Variants in KIF2C observed in about 807,000 individuals in gnomAD.
The protein encoded by KIF2C is kinesin family member 2C.
In KIF2C, 34 loss-of-function variants were observed where a neutral mutation model predicts 97.4. That is an observed-to-expected ratio of 0.35 (90% CI 0.27 to 0.46). The LOEUF is 0.46. Ranked by LOEUF, KIF2C falls within the 20% of genes least tolerant of loss-of-function variation. The probability of loss-of-function intolerance (pLI) is 1.00; values close to 1 mark genes in which losing one functional copy is unlikely to be tolerated. For missense variants in KIF2C, 750 were observed against 907.6 expected, an observed-to-expected ratio of 0.83 and a Z score of 2.23; for synonymous variants, 313 against 318.2, an observed-to-expected ratio of 0.98 and a Z score of 0.17.
Position 44,756,182 on chromosome 1 carries a change from G to A in KIF2C, c.922G>A (p.Ala308Thr). ...VDLTKYLENQ[A>T]FCFDFAFDET... ...CTTAACAAAGTATCTGGAGAACCAAGCATTCTGCTTTGACTTTGCATTTGA... is the reference window on the plus strand; with the variant it reads ...CTTAACAAAGTATCTGGAGAACCAAACATTCTGCTTTGACTTTGCATTTGA... Residue 308 changes from alanine (A) to threonine (T), a missense_variant, in exon 10 of 21, where the codon GCA becomes ACA. By Grantham distance (58) the Ala-to-Thr change is moderately conservative (BLOSUM62 0). Transcript: ENST00000372224. 2 of 1,614,222 alleles carry A rather than the reference G, an allele frequency of 1.2e-6. No homozygotes were observed. Among genetic ancestry groups the A allele is most frequent in the South Asian group, 1.1e-5 (1 of 91,084 alleles).
intron 2 of KIF2C, among the ~76,000 whole-genome samples, chr1:44,743,713 G>A (rs746777484): frequency 1.4e-4 from 21 of 152,126 alleles, no homozygotes; most frequent in Admixed American, 3.3e-4. Flanking sequence ...GATTGCTTGA[G>A]CCCAGGAGTT....
chr1:44,744,090 G>T (rs56251612), intron 2 of KIF2C, among the ~76,000 whole-genome samples: 11,343 of 70,448 alleles, frequency 0.16, 1,391 homozygotes, highest in African/African-American at 0.38. Flanking sequence ...TTTTTTTTTT[G>T]TTTGTTTGTT....
At chr1:44,746,848 CCCCTGT>C (rs1649221861) in intron 2 of KIF2C, 1 of 1,252,400 alleles carries the variant, frequency 8.0e-7, no homozygotes. Flanking sequence ...TTTAGGGGTA[CCCCTGT>C]CTATAGAAAT....
chr1:44,763,236 C>T (rs909024870), intron 19 of KIF2C, among the ~76,000 whole-genome samples: 2 of 152,112 alleles, frequency 1.3e-5, no homozygotes, highest in Non-Finnish European at 1.5e-5. Context: ...TGGTAGGTGC[C>T]CCTGCTACTG....
At chr1:44,764,012 G>A (rs1650307378) in intron 19 of KIF2C, among the ~76,000 whole-genome samples, 1 of 149,956 alleles carries the variant, frequency 6.7e-6, no homozygotes, top group Admixed American at 6.6e-5. Context: ...TAGCCTGGGT[G>A]ACAGAGCAAG....
rs765567953 is a variant in KIF2C at position 44,760,331 on chromosome 1, C to T, written c.1419C>T (p.Cys473=). The part of the protein sequence containing the change: ...ANSNSSRSHA[C]FQIILRAKGR... ...CCAATTCCTCCCGCTCCCACGCGTG[C>T]TTCCAAATTATTCTTCGAGCTAAAG... The change falls in exon 15 of 21, where the codon TGC becomes TGT. Residue 473 remains cysteine (C), a synonymous_variant. Transcript: ENST00000372224. The surrounding 1 kb of genome is among the most constrained non-coding windows in gnomAD (Gnocchi z 4.2). 4.3e-6 allele frequency: 7 copies of T among 1,614,224 alleles called. No individual in the cohort carries two copies. In the East Asian group the frequency reaches 1.6e-4, roughly 36 times the overall value.
chr1:44,750,844 C>T (rs79651130), intron 5 of KIF2C, among the ~76,000 whole-genome samples: 3,993 of 152,278 alleles, frequency 0.026, 66 homozygotes, highest in Non-Finnish European at 0.04. Context: ...CTAACATGAT[C>T]AGAGCATTAC....
intron 19 of KIF2C, among the ~76,000 whole-genome samples, chr1:44,764,806 G>A (rs1650364536): frequency 6.6e-6 from 1 of 152,146 alleles, no homozygotes; most frequent in Non-Finnish European, 1.5e-5. Context: ...ACCACGCCCA[G>A]TCGTATATCT....
intron 7 of KIF2C, 121 bp from the exon 8 acceptor site, chr1:44,754,629 G>A (rs1388855450): frequency 5.3e-6 from 4 of 761,880 alleles, no homozygotes; most frequent in Non-Finnish European, 9.6e-6. Flanking sequence ...CCCAGAGCCA[G>A]GGCAGGGACT....
Position 44,753,729 on chromosome 1 carries a change from A to G in KIF2C, c.563-4A>G, listed in dbSNP as rs752618133. 1.3e-6 allele frequency: 2 copies of G among 1,568,214 alleles called. No homozygotes were observed. Among genetic ancestry groups the G allele is most frequent in the Admixed American group, 2.0e-5 (1 of 50,500 alleles). ...TTTTTTCTTTTTTTTTTATGTTTTC[A>G]TAGTTCGGAGGAAATCATGTCTTGT... is the stretch of plus-strand genomic sequence containing the variant. On this transcript the variant is annotated splice_region_variant and splice_polypyrimidine_tract_variant and intron_variant, in intron 6 of 20. Coordinates refer to ENST00000372224, the MANE Select transcript of KIF2C (RefSeq NM_006845.4).
rs1031955353 is a variant in KIF2C at position 44,747,787 on chromosome 1, T to C, written c.316+87T>C. 21 of 1,231,476 alleles carry C rather than the reference T, an allele frequency of 1.7e-5. 1 individual carries two copies. Among genetic ancestry groups the C allele is most frequent in the Non-Finnish European group, 2.3e-5 (20 of 862,092 alleles). 76.3% of individuals were successfully genotyped at this position (1,231,476 alleles called of 1,614,324 possible). On this transcript the variant is annotated intron_variant, in intron 4 of 20. Coordinates refer to ENST00000372224, the MANE Select transcript of KIF2C (RefSeq NM_006845.4). ...CTCAGAGTTGTGGAAGCTCCTCTTT[T>C]GCAGGTGGTTTCTATGTGGGTTGAG...
At chr1:44,742,012 A>AAG (rs1648958396) in intron 2 of KIF2C, among the ~76,000 whole-genome samples, 1 of 151,376 alleles carries the variant, frequency 6.6e-6, no homozygotes, top group Non-Finnish European at 1.5e-5. Flanking sequence ...AAAAAAAAAA[A>AAG]AAAAAAAGAA....
chr1:44,750,570 T>A lies in KIF2C; in HGVS notation c.439+6T>A, dbSNP rs564326149. On this transcript the variant is annotated splice_donor_region_variant and intron_variant, in intron 5 of 20. Coordinates refer to ENST00000372224, the MANE Select transcript of KIF2C (RefSeq NM_006845.4). Reference sequence around the variant, plus strand: ...CAAGCAGTTTTCAGTTCCTCGTGAGTAACGAATGTGCCCCCAACCACCATG... The same window carrying A: ...CAAGCAGTTTTCAGTTCCTCGTGAGAAACGAATGTGCCCCCAACCACCATG... 1.3e-6 allele frequency: 2 copies of A among 1,530,928 alleles called. No homozygotes were observed. The highest frequency in any genetic ancestry group is 2.5e-5 in the South Asian group (2 of 80,438). The allele number at this position is 1,530,928 out of a possible 1,614,324, so 94.8% of individuals were successfully genotyped here. A position where few individuals can be genotyped will look rare whatever the true frequency, so the allele number is the denominator to read the frequency against.
In KIF2C at chr1:44,750,433, G is replaced by A; in HGVS notation, c.317-9G>A. On this transcript the variant is annotated splice_polypyrimidine_tract_variant and intron_variant, in intron 4 of 20. Transcript: ENST00000372224. ...CAGCACTGACTGGCTACTGCTCTCG[G>A]TTCTCCAGGTCTTCGAAGCCGCTCC... is the stretch of plus-strand genomic sequence containing the variant. 1 of 1,452,600 alleles carries A rather than the reference G, an allele frequency of 6.9e-7. No individual in the cohort carries two copies. The allele number at this position is 1,452,600 out of a possible 1,614,324, so 90.0% of individuals were successfully genotyped here. A position where few individuals can be genotyped will look rare whatever the true frequency, so the allele number is the denominator to read the frequency against.
At chr1:44,758,512 G>A (rs1373028438) in intron 13 of KIF2C, among the ~76,000 whole-genome samples, 1 of 152,062 alleles carries the variant, frequency 6.6e-6, no homozygotes, top group East Asian at 1.9e-4. Context: ...TATTCACTGT[G>A]TGCTTCTGCA....
chr1:44,765,774 G>T (rs947980691), intron 19 of KIF2C, among the ~76,000 whole-genome samples: 1 of 152,144 alleles, frequency 6.6e-6, no homozygotes, highest in Non-Finnish European at 1.5e-5. Context: ...TCATTTGACC[G>T]GGCGTGATGG....
intron 2 of KIF2C, among the ~76,000 whole-genome samples, 168 bp downstream of exon 2, chr1:44,741,175 G>A (rs936536716): frequency 6.6e-6 from 1 of 152,132 alleles, no homozygotes; most frequent in African/African-American, 2.4e-5. Flanking sequence ...CTGATGTCAG[G>A]AGTTCGAGAC....
intron 2 of KIF2C, chr1:44,746,373 A>G (rs1413419154): frequency 1.9e-6 from 2 of 1,059,948 alleles, no homozygotes; most frequent in East Asian, 7.2e-5. Flanking sequence ...ACCTCATTGC[A>G]GGCATCAACA....
chr1:44,753,955 ATTCTTTT>A, intron 7 of KIF2C, 122 bp downstream of exon 7: 2 of 192,996 alleles, frequency 1.0e-5, no homozygotes, highest in Non-Finnish European at 1.8e-5. Flanking sequence ...TGAGGCCCCA[ATTCTTTT>A]TTTTTTTTTT....
Sources: gnomAD v4.1 joint callset for allele counts (sites outside exome capture counted in the v4.1 genomes callset) on GRCh38, gnomAD v4.1.1 for gene constraint, Gnocchi (gnomAD v3.1) non-coding constraint, MANE v1.5 for transcripts, NCBI Gene and HGNC (gene_info 2026-07-23, HGNC 2026-07-21) for gene names.